Variants in AKT3 observed in about 807,000 individuals in gnomAD.
AKT3 encodes RAC-gamma serine/threonine-protein kinase.
AKT3 carries 15 observed loss-of-function variants against 65.3 expected under a neutral mutation model. The ratio of observed to expected loss-of-function variants is 0.23; its 90% CI spans 0.15 to 0.35. The LOEUF is 0.35. Among genes scored for constraint, AKT3 ranks in the 10% least tolerant of loss-of-function variants. The pLI, the probability that AKT3 is intolerant of heterozygous loss-of-function variation, is 1.00. For synonymous variants in AKT3, 206 were observed against 183.8 expected, an observed-to-expected ratio of 1.12 and a Z score of -0.98; for missense variants, 243 against 576.5, an observed-to-expected ratio of 0.42 and a Z score of 5.92.
intron 2 of AKT3, among the ~76,000 whole-genome samples, chr1:243,792,510 G>T (rs1209208258): frequency 6.6e-6 from 1 of 152,086 alleles, no homozygotes; most frequent in Admixed American, 6.6e-5. Flanking sequence ...CTGGCCCTGG[G>T]GGTCAGAGGA....
At position 243,613,674 on chromosome 1, in the gene AKT3, G is replaced by A. The variant is rs752740384; in HGVS notation, c.693C>T (p.Gly231=). 8.8e-6 allele frequency: 14 copies of A among 1,585,592 alleles called. No individual in the cohort carries two copies. In the East Asian group the frequency reaches 1.8e-4, roughly 21 times the overall value. The change falls in exon 8 of 14, where the codon GGC becomes GGT. Residue 231 remains glycine (G), a synonymous_variant. Transcript: ENST00000673466. ...CTGGATTTACTTCTTGACTCACCTC[G>A]CCCCCATTAACATATTCCATCACAA... The part of the protein sequence containing the change: ...LCFVMEYVNG[G]ELFFHLSRER...
intron 2 of AKT3, 98 bp from the exon 3 acceptor site, chr1:243,695,814 G>C: frequency 1.9e-6 from 2 of 1,074,750 alleles, no homozygotes; most frequent in South Asian, 7.3e-5. Flanking sequence ...TACAACACTG[G>C]CCTCCAAAAA....
At chr1:243,843,402 T>C in intron 1 of AKT3, 120 bp from the exon 2 acceptor site, 2 of 1,146,764 alleles carry the variant, frequency 1.7e-6, no homozygotes, top group Non-Finnish European at 2.2e-6. Context: ...AAAGTCTGGC[T>C]CTTCAAACTG....
rs1332584473 is a variant in AKT3, at chr1:243,552,947, A to G, written c.949-4T>C. The G allele has an allele frequency of 2.5e-6, 4 of 1,576,990 alleles. No individual in the cohort carries two copies. The highest frequency in any genetic ancestry group is 3.4e-6 in the Non-Finnish European group (4 of 1,161,942). On this transcript the variant is annotated splice_region_variant and splice_polypyrimidine_tract_variant and intron_variant, in intron 10 of 13. Transcript: ENST00000673466. Reference sequence around the variant, plus strand: ...CATAGTCATTATCTTCTAACACCTAAAAGTGAAATCAGTAAAAAGATTAAT... The same window carrying G: ...CATAGTCATTATCTTCTAACACCTAGAAGTGAAATCAGTAAAAAGATTAAT...
At position 243,757,389 on chromosome 1, in the gene AKT3, G is replaced by A. The variant is rs1418755022; in HGVS notation, c.47-61673C>T. Among the ~76,000 whole-genome samples the A allele has an allele frequency of 3.3e-5, 5 of 152,236 alleles. No homozygotes were observed. The East Asian group carries it at 5.8e-4, about 18-fold the overall frequency. On this transcript the variant is annotated intron_variant, in intron 2 of 13. Coordinates refer to ENST00000673466, the MANE Select transcript of AKT3 (RefSeq NM_005465.7). ...ACCCAGCACTTTGGGAGGCTGAGGC[G>A]GGTGGATCACCTGAGGTCAGGACTT...
chr1:243,743,074 A>C (rs1322304112), intron 2 of AKT3, among the ~76,000 whole-genome samples: 1 of 152,236 alleles, frequency 6.6e-6, no homozygotes, highest in Non-Finnish European at 1.5e-5. Flanking sequence ...GAAATTAGTC[A>C]CATAGATCCA....
intron 12 of AKT3, among the ~76,000 whole-genome samples, chr1:243,543,523 T>A (rs1180621077): frequency 6.6e-6 from 1 of 152,136 alleles, no homozygotes; most frequent in Non-Finnish European, 1.5e-5. Context: ...AGTTGTAGCT[T>A]ATTATTAGCT....
intron 2 of AKT3, among the ~76,000 whole-genome samples, chr1:243,777,332 G>A (rs1690617345): frequency 6.6e-6 from 1 of 152,172 alleles, no homozygotes; most frequent in African/African-American, 2.4e-5. Flanking sequence ...AGCTCAGGTG[G>A]TAATGCACAC....
intron 2 of AKT3, among the ~76,000 whole-genome samples, chr1:243,749,415 A>C (rs1423154241): frequency 1.3e-5 from 2 of 151,922 alleles, no homozygotes; most frequent in Non-Finnish European, 2.9e-5. Context: ...CATCTTTCTC[A>C]TTTTATAATA....
At chr1:243,830,398 A>G (rs1337641837) in intron 2 of AKT3, among the ~76,000 whole-genome samples, 1 of 152,196 alleles carries the variant, frequency 6.6e-6, no homozygotes, top group Non-Finnish European at 1.5e-5. Context: ...ACCGTGTATG[A>G]GAGGGCTGCA....
rs566897785 is a variant in AKT3, at chr1:243,790,160, T to C, written c.46+52965A>G. Among the ~76,000 whole-genome samples, 4 of 152,336 alleles carry C rather than the reference T, an allele frequency of 2.6e-5. No individual in the cohort carries two copies. In the South Asian group the frequency reaches 6.2e-4, roughly 24 times the overall value. On this transcript the variant is annotated intron_variant, in intron 2 of 13. Coordinates refer to ENST00000673466, the MANE Select transcript of AKT3 (RefSeq NM_005465.7). ...AAGAAAGTCACTGTCCTTTGAAGCTTTGAAGGCAGGCATTGACTTCTCTCT... is the reference window on the plus strand; with the variant it reads ...AAGAAAGTCACTGTCCTTTGAAGCTCTGAAGGCAGGCATTGACTTCTCTCT...
chr1:243,648,714 G>A (rs1211249300), intron 4 of AKT3, among the ~76,000 whole-genome samples: 2 of 152,092 alleles, frequency 1.3e-5, no homozygotes, highest in East Asian at 3.9e-4. Context: ...TGGAACCTTT[G>A]AGGAAAGGTT....
At chr1:243,696,505 G>A (rs1265900546) in intron 2 of AKT3, among the ~76,000 whole-genome samples, 2 of 151,928 alleles carry the variant, frequency 1.3e-5, no homozygotes, top group Non-Finnish European at 2.9e-5. Context: ...CAACAGAGGT[G>A]CTCCATGATG....
chr1:243,558,823 T>G (rs897528641), intron 10 of AKT3, among the ~76,000 whole-genome samples: 1 of 152,102 alleles, frequency 6.6e-6, no homozygotes, highest in African/African-American at 2.4e-5. Flanking sequence ...AACATTCAGA[T>G]GATTATCTGC....
intron 12 of AKT3, among the ~76,000 whole-genome samples, chr1:243,522,587 C>T (rs1002644249): frequency 1.2e-4 from 18 of 152,062 alleles, no homozygotes; most frequent in Non-Finnish European, 2.4e-4. Context: ...GTGAAGTGAG[C>T]TGTGATTGCG....
At chr1:243,491,420 A>T (rs1330778366) in intron 13 of AKT3, among the ~76,000 whole-genome samples, 2 of 152,256 alleles carry the variant, frequency 1.3e-5, no homozygotes, top group Non-Finnish European at 2.9e-5. Flanking sequence ...TTCAGATTCA[A>T]ATATTACACT....
chr1:243,698,292 T>C (rs1424737333), intron 2 of AKT3, among the ~76,000 whole-genome samples: 1 of 151,958 alleles, frequency 6.6e-6, no homozygotes, highest in African/African-American at 2.4e-5. Flanking sequence ...TCACAATAGT[T>C]TAATAATTAT....
chr1:243,654,230 C>T (rs1307892843), intron 4 of AKT3, among the ~76,000 whole-genome samples: 1 of 152,106 alleles, frequency 6.6e-6, no homozygotes, highest in East Asian at 1.9e-4. Flanking sequence ...CCAGAAAATA[C>T]AGCAACCTCA....
intron 2 of AKT3, among the ~76,000 whole-genome samples, chr1:243,807,484 G>A (rs932907932): frequency 6.6e-6 from 1 of 152,326 alleles, no homozygotes; most frequent in East Asian, 1.9e-4. Flanking sequence ...CAAGGCTGAG[G>A]GAGGGGCGCC....
Sources: gnomAD v4.1 joint callset for allele counts (sites outside exome capture counted in the v4.1 genomes callset) on GRCh38, gnomAD v4.1.1 for gene constraint, MANE v1.5 for transcripts, NCBI Gene and HGNC (gene_info 2026-07-23, HGNC 2026-07-21) for gene names.